The following DNASE2 variants were observed in gnomAD, a reference collection of about 807,000 sequenced individuals.
DNASE2 encodes deoxyribonuclease-2-alpha.
Under a neutral mutation model 29.8 loss-of-function variants are expected in DNASE2, and 26 were observed. The ratio of observed to expected loss-of-function variants is 0.87; its 90% CI spans 0.64 to 1.21. The LOEUF is 1.21. Among genes scored for constraint, DNASE2 ranks in the 50% most tolerant of loss-of-function variants. The pLI, the probability that DNASE2 is intolerant of heterozygous loss-of-function variation, is 0.00. For synonymous variants in DNASE2, 186 were observed against 193.5 expected, an observed-to-expected ratio of 0.96 and a Z score of 0.32; for missense variants, 415 against 455.6, an observed-to-expected ratio of 0.91 and a Z score of 0.81.
intron 3 of DNASE2, among the ~76,000 whole-genome samples, chr19:12,879,805 C>CA (rs1383023086): frequency 1.3e-5 from 2 of 151,838 alleles, no homozygotes; most frequent in African/African-American, 4.8e-5. Flanking sequence ...GCCCACTCTA[C>CA]AAAAATACAA....
intron 5 of DNASE2, among the ~76,000 whole-genome samples, chr19:12,877,069 C>T (rs1158212277): frequency 2.0e-5 from 3 of 152,082 alleles, no homozygotes; most frequent in African/African-American, 4.8e-5. Flanking sequence ...AATCAGCCAG[C>T]GCCCTCCACC....
chr19:12,876,641 G>T, intron 5 of DNASE2, among the ~76,000 whole-genome samples: 1 of 151,054 alleles, frequency 6.6e-6, no homozygotes, highest in Non-Finnish European at 1.5e-5. Flanking sequence ...TTAATAAAGA[G>T]GGGTTTCACC....
chr19:12,880,487 G>A (rs771310917), intron 3 of DNASE2, among the ~76,000 whole-genome samples: 2 of 151,892 alleles, frequency 1.3e-5, no homozygotes, highest in African/African-American at 4.8e-5. Context: ...GTGAAACCTC[G>A]TCTGTACTAA....
In DNASE2 at chr19:12,881,114, C is replaced by T. The variant is rs750907769; in HGVS notation, c.125G>A (p.Gly42Glu). Reference sequence around the variant, plus strand: ...CTGCAGCCCTCTCTGCGCCGCCTCCCCGGACCCTCTAAGAGCTGGCAGCTT... The same window carrying T: ...CTGCAGCCCTCTCTGCGCCGCCTCCTCGGACCCTCTAAGAGCTGGCAGCTT... ...VYKLPALRGS[G>E]EAAQRGLQYK... is the part of the protein sequence containing the mutation. Residue 42 changes from glycine to glutamate, a missense_variant, in exon 2 of 6, where the codon GGG (glycine) becomes GAG (glutamate). Coordinates refer to ENST00000222219, the MANE Select transcript of DNASE2 (RefSeq NM_001375.3). 3.1e-6 allele frequency: 5 copies of T among 1,611,838 alleles called. No individual in the cohort carries two copies. The highest frequency in any genetic ancestry group is 4.2e-6 in the Non-Finnish European group (5 of 1,180,018).
Position 12,881,296 on chromosome 19 carries a change from A to G in DNASE2, c.80T>C (p.Val27Ala). 6.3e-7 allele frequency: 1 copy of G among 1,575,190 alleles called. No individual in the cohort carries two copies. ...CCCCCCGCTGCGCACTCACCAGTCT[A>G]CAGGCTGCCCGGAGTCCCCGTAGCA... ...LTCYGDSGQP[V>A]DWFVVYKLPA... is the part of the protein sequence containing the mutation. Residue 27 changes from valine to alanine, a missense_variant, in exon 1 of 6, where the codon GTA becomes GCA. Physicochemically the swap from Val to Ala is moderately conservative, Grantham distance 64. Transcript: ENST00000222219.
chr19:12,875,750 C>A lies in DNASE2; in HGVS notation c.*240G>T. 3.4e-6 allele frequency: 1 copy of A among 292,830 alleles called. No homozygotes were observed. Among genetic ancestry groups the A allele is most frequent in the Non-Finnish European group, 6.5e-6 (1 of 154,720 alleles). The allele number at this position is 292,830 out of a possible 1,614,324, so 18.1% of individuals were successfully genotyped here. On this transcript the variant is annotated 3_prime_UTR_variant, in exon 6 of 6. Coordinates refer to ENST00000222219, the MANE Select transcript of DNASE2 (RefSeq NM_001375.3). ...AGTCTTGCTATGTGACCCAGGTTGG[C>A]GTAATCATAGTTCACTGTGACCATG...
At chr19:12,880,655 T>A in intron 3 of DNASE2, 147 bp downstream of exon 3, 1 of 1,058,780 alleles carries the variant, frequency 9.4e-7, no homozygotes, top group Non-Finnish European at 1.4e-6. Flanking sequence ...ACTCCCACCG[T>A]CTCAAAAACA....
At position 12,875,272 on chromosome 19, in the gene DNASE2, T is replaced by C. The variant is rs1970305334; in HGVS notation, c.*718A>G. ...ATGGCAGGTATTATGTTTCCCATTT[T>C]GCAGACAGGTAGACTGTGTCACAGA... is the stretch of plus-strand genomic sequence containing the variant. On this transcript the variant is annotated 3_prime_UTR_variant, in exon 6 of 6. Transcript: ENST00000222219. The C allele has an allele frequency of 3.9e-6, 1 of 257,442 alleles. No homozygotes were observed. Among genetic ancestry groups the C allele is most frequent in the South Asian group, 5.1e-5 (1 of 19,670 alleles). The allele number at this position is 257,442 out of a possible 1,614,324, so 15.9% of individuals were successfully genotyped here.
Position 12,881,337 on chromosome 19 carries a change from G to A in DNASE2, c.39C>T (p.Pro13=), listed in dbSNP as rs770811828. 4.5e-6 allele frequency: 7 copies of A among 1,569,050 alleles called. No homozygotes were observed. The East Asian group carries it at 9.5e-5, about 21-fold the overall frequency. The change falls in exon 1 of 6, where the codon CCC becomes CCT. Residue 13 remains proline (P), a synonymous_variant. Coordinates refer to ENST00000222219, the MANE Select transcript of DNASE2 (RefSeq NM_001375.3). ...CCCCGTAGCAGGTCAGGGCCCCGGC[G>A]GGGACGCACAGCAGCGCTGCCAGCA... ...PLLLAALLCV[P]AGALTCYGDS...
chr19:12,877,638 C>T (rs995506106), intron 5 of DNASE2, among the ~76,000 whole-genome samples: 6 of 149,286 alleles, frequency 4.0e-5, no homozygotes, highest in African/African-American at 1.2e-4. Flanking sequence ...CTCCACCTTC[C>T]GGGTTCACGC....
rs758126720 is a variant in DNASE2 at position 12,881,031 on chromosome 19, T to C, written c.208A>G (p.Ser70Gly). ...CTTCGGCCCACGGCCCCCTCCGGGC[T>C]GTTGATGAGTGCCCTGCCGTCCCGC... ...GWRDGRALIN[S>G]PEGAVGRSLQ... The change falls in exon 2 of 6, where the codon AGC becomes GGC. Residue 70 changes from serine to glycine, a missense_variant. Coordinates refer to ENST00000222219, the MANE Select transcript of DNASE2 (RefSeq NM_001375.3). The C allele has an allele frequency of 1.2e-6, 2 of 1,613,760 alleles. No homozygotes were observed. The highest frequency in any genetic ancestry group is 1.7e-6 in the Non-Finnish European group (2 of 1,180,020).
At chr19:12,876,459 C>CT (rs56207722) in intron 5 of DNASE2, 96 bp from the exon 6 acceptor site, 296,372 of 1,252,142 alleles carry the variant, frequency 0.24, 10,020 homozygotes, top group African/African-American at 0.46. Context: ...TCCATATTTC[C>CT]TTTTTTTTTT....
chr19:12,877,537 G>GTATT (rs929422303), intron 5 of DNASE2, among the ~76,000 whole-genome samples: 122 of 150,254 alleles, frequency 8.1e-4, no homozygotes, highest in South Asian at 1.1e-3. Flanking sequence ...CTATTTATTT[G>GTATT]TATTTATTTA....
chr19:12,880,553 G>C (rs1270505642), intron 3 of DNASE2, among the ~76,000 whole-genome samples: 1 of 152,102 alleles, frequency 6.6e-6, no homozygotes, highest in Non-Finnish European at 1.5e-5. Flanking sequence ...CTACTTGGGA[G>C]GCTGAGACAG....
At chr19:12,880,103 A>C (rs1970363021) in intron 3 of DNASE2, among the ~76,000 whole-genome samples, 1 of 2,224 alleles carries the variant, frequency 4.5e-4, no homozygotes, top group South Asian at 0.019. Flanking sequence ...AGAGTGCCGC[A>C]AAAAAAAAAA....
Position 12,875,866 on chromosome 19 carries a change from A to G in DNASE2, c.*124T>C. 1 of 1,264,244 alleles carries G rather than the reference A, an allele frequency of 7.9e-7. No homozygotes were observed. The highest frequency in any genetic ancestry group is 1.1e-6 in the Non-Finnish European group (1 of 913,928). 78.3% of individuals were successfully genotyped at this position (1,264,244 alleles called of 1,614,324 possible). ...TGGCTAACTTTTTTTAAGTTCTAGT[A>G]GAGATGTGGTCTCACTATGTAGCCC... On this transcript the variant is annotated 3_prime_UTR_variant, in exon 6 of 6. Coordinates refer to ENST00000222219, the MANE Select transcript of DNASE2 (RefSeq NM_001375.3).
At position 12,876,316 on chromosome 19, in the gene DNASE2, C is replaced by A. The variant is rs748390190; in HGVS notation, c.757G>T (p.Val253Phe). ...LAAALGTNLQ[V>F]QFWHKTVGIL... ...CCTACAGTTTTGTGCCAGAACTGGA[C>A]CTGCAGGTTGGTACCAAGGGCTGCT... is the stretch of plus-strand genomic sequence containing the variant. The change falls in exon 6 of 6, where the codon GTC becomes TTC. Residue 253 changes from valine to phenylalanine, a missense_variant. By Grantham distance (50) the Val-to-Phe change is conservative (BLOSUM62 -1). Transcript: ENST00000222219. The A allele has an allele frequency of 2.5e-6, 4 of 1,613,926 alleles. No homozygotes were observed. Among genetic ancestry groups the A allele is most frequent in the Non-Finnish European group, 3.4e-6 (4 of 1,180,036 alleles).
rs561892183 is a variant in DNASE2, at chr19:12,880,099, C to A, written c.346+703G>T. ...CAGCCTGGGTGATGGAGAGAGAGTG[C>A]CGCAAAAAAAAAAAAAAAAAAAAAA... On this transcript the variant is annotated intron_variant, in intron 3 of 5. Coordinates refer to ENST00000222219, the MANE Select transcript of DNASE2 (RefSeq NM_001375.3). Among the ~76,000 whole-genome samples the A allele has an allele frequency of 4.5e-4, 34 of 75,250 alleles. No homozygotes were observed. In the South Asian group the frequency reaches 0.017, roughly 38 times the overall value. 49.4% of individuals were successfully genotyped at this position (75,250 alleles called of 152,430 possible). A position where few individuals can be genotyped will look rare whatever the true frequency, so the allele number is the denominator to read the frequency against.
At chr19:12,876,399 G>A in intron 5 of DNASE2, 36 bp from the exon 6 acceptor site, 1 of 1,603,776 alleles carries the variant, frequency 6.2e-7, no homozygotes, top group Non-Finnish European at 8.5e-7. Context: ...GGTAGGGTCA[G>A]GGCCACTGCG....
Sources: allele counts gnomAD v4.1 joint callset (sites outside exome capture counted in the v4.1 genomes callset), GRCh38; gene constraint gnomAD v4.1.1; transcripts MANE v1.5; gene names NCBI Gene and HGNC (gene_info 2026-07-23, HGNC 2026-07-21).